The following GTF2A2 variants were observed in gnomAD, a reference collection of about 807,000 sequenced individuals.
GTF2A2 encodes general transcription factor IIA subunit 2.
GTF2A2 carries 9 observed loss-of-function variants against 14.3 expected under a neutral mutation model. The ratio of observed to expected loss-of-function variants is 0.63; its 90% confidence interval spans 0.38 to 1.10. GTF2A2 has a LOEUF of 1.10. Ranked by LOEUF, GTF2A2 falls within the 50% of genes least tolerant of loss-of-function variation. The probability of loss-of-function intolerance (pLI) is 0.01; values close to 1 mark genes in which losing one functional copy is unlikely to be tolerated. For synonymous variants in GTF2A2, 56 were observed against 46.0 expected (o/e 1.22, Z -0.88); for missense variants, 90 against 124.6 (o/e 0.72, Z 1.32).
intron 2 of GTF2A2, chr15:59,651,810 C>A (rs1442576270): frequency 6.3e-6 from 1 of 158,680 alleles, no homozygotes; most frequent in African/African-American, 2.4e-5. Flanking sequence ...CCTCAGCCTC[C>A]CGAGTAACTG....
chr15:59,642,982 G>A (rs528123564), intron 3 of GTF2A2, among the ~76,000 whole-genome samples: 1 of 151,750 alleles, frequency 6.6e-6, no homozygotes, highest in Admixed American at 6.6e-5. Context: ...GGCCAGGATG[G>A]TCTCGAACTC....
At chr15:59,648,885 G>C (rs1047403171) in intron 3 of GTF2A2, among the ~76,000 whole-genome samples, 2 of 152,204 alleles carry the variant, frequency 1.3e-5, no homozygotes, top group East Asian at 3.9e-4. Flanking sequence ...AGTGAGCCAA[G>C]ATCTCGCCAC....
chr15:59,646,618 T>G (rs1399020328), intron 3 of GTF2A2, among the ~76,000 whole-genome samples: 2 of 152,218 alleles, frequency 1.3e-5, no homozygotes, highest in African/African-American at 4.8e-5. Context: ...ACATATCATA[T>G]GCTGAAATTC....
chr15:59,652,171 G>C, intron 2 of GTF2A2, 35 bp downstream of exon 2: 1 of 1,155,062 alleles, frequency 8.7e-7, no homozygotes, highest in Non-Finnish European at 1.3e-6. Context: ...AACCCATCAA[G>C]ATAAAAATGT....
intron 3 of GTF2A2, among the ~76,000 whole-genome samples, chr15:59,645,427 G>A (rs1390702996): frequency 3.3e-5 from 5 of 152,078 alleles, no homozygotes; most frequent in Non-Finnish European, 7.4e-5. Flanking sequence ...GGGAATACGA[G>A]AAAAGCTCAC....
rs1436598433 is a variant in GTF2A2, at chr15:59,642,190, CCT to C, written c.248_249del (p.Glu83GlyfsTer6). Reference protein sequence around the residue: ...TFVLNDVEFREVTELIKVDKV... With the variant: ...TFVLNDVEFRXVTELIKVDKV... ...TTATCCACTTTAATAAGTTCTGTCA[CCT>C]CTCTGAATTCAACATCATTCAGTAC... On this transcript the variant is annotated frameshift_variant, in exon 4 of 5. Coordinates refer to ENST00000396060, the MANE Select transcript of GTF2A2 (RefSeq NM_004492.3). LOFTEE classifies it high-confidence loss of function. 1.2e-6 allele frequency: 2 copies of C among 1,610,036 alleles called. No individual in the cohort carries two copies.
intron 4 of GTF2A2, among the ~76,000 whole-genome samples, chr15:59,641,389 T>A (rs1891421620): frequency 2.0e-5 from 3 of 152,138 alleles, no homozygotes; most frequent in Non-Finnish European, 4.4e-5. Flanking sequence ...ATGCAAAATA[T>A]ATAAAACAAA....
intron 2 of GTF2A2, chr15:59,651,350 T>C (rs1412042709): frequency 6.6e-6 from 1 of 152,386 alleles, no homozygotes; most frequent in Non-Finnish European, 1.5e-5. Context: ...GCTAATTTTA[T>C]ATTTTTAGTA....
chr15:59,646,729 C>G (rs1244161030), intron 3 of GTF2A2, among the ~76,000 whole-genome samples: 1 of 152,092 alleles, frequency 6.6e-6, no homozygotes, highest in East Asian at 1.9e-4. Flanking sequence ...TAAATGCCTT[C>G]CAACTGTAAA....
chr15:59,646,670 C>T (rs1891618526), intron 3 of GTF2A2, among the ~76,000 whole-genome samples: 1 of 151,824 alleles, frequency 6.6e-6, no homozygotes, highest in African/African-American at 2.4e-5. Context: ...TTTATTTTAC[C>T]ACAAAAATAA....
chr15:59,648,893 C>T (rs1891702862), intron 3 of GTF2A2, among the ~76,000 whole-genome samples: 1 of 151,974 alleles, frequency 6.6e-6, no homozygotes, highest in Admixed American at 6.5e-5. Context: ...AAGATCTCGC[C>T]ACTGCACTCC....
chr15:59,641,885 C>T (rs546920660), intron 4 of GTF2A2, among the ~76,000 whole-genome samples: 4 of 152,282 alleles, frequency 2.6e-5, no homozygotes, highest in African/African-American at 9.6e-5. Context: ...GGAACAAATG[C>T]TTATTAATTT....
intron 1 of GTF2A2, among the ~76,000 whole-genome samples, chr15:59,653,369 ACT>A (rs1410574836): frequency 6.6e-6 from 1 of 152,062 alleles, no homozygotes; most frequent in Non-Finnish European, 1.5e-5. Context: ...ATCAGATAAA[ACT>A]CAGCAAAAAT....
rs398043378 is a variant in GTF2A2 at position 59,643,072 on chromosome 15, ATTT to A, written c.178-813_178-811del. Among the ~76,000 whole-genome samples the A allele has an allele frequency of 7.9e-3, 505 of 64,104 alleles. 4 individuals carry two copies. Among genetic ancestry groups the A allele is most frequent in the African/African-American group, 0.032 (460 of 14,364 alleles). The allele number at this position is 64,104 out of a possible 152,430, so 42.1% of individuals were successfully genotyped here. A position where few individuals can be genotyped will look rare whatever the true frequency, so the allele number is the denominator to read the frequency against. On this transcript the variant is annotated intron_variant, in intron 3 of 4. Coordinates refer to ENST00000396060, the MANE Select transcript of GTF2A2 (RefSeq NM_004492.3). The stretch of plus-strand genomic sequence containing the variant: ...TGAACCACCGCGCCTGGCCTATATA[ATTT>A]TTTTTTTTTTTTTTTTTTTTTTGAG...
chr15:59,640,884 T>C (rs1347361323), intron 4 of GTF2A2, among the ~76,000 whole-genome samples: 1 of 151,870 alleles, frequency 6.6e-6, no homozygotes, highest in Admixed American at 6.6e-5. Flanking sequence ...CAAAGATGTA[T>C]CTAATGACTA....
chr15:59,643,794 C>T (rs1336375958), intron 3 of GTF2A2, among the ~76,000 whole-genome samples: 1 of 150,944 alleles, frequency 6.6e-6, no homozygotes, highest in African/African-American at 2.4e-5. Context: ...AGATGGGTTT[C>T]ACCATGTTGT....
intron 4 of GTF2A2, among the ~76,000 whole-genome samples, chr15:59,639,878 GC>G (rs1378421539): frequency 6.6e-6 from 1 of 152,102 alleles, no homozygotes; most frequent in Non-Finnish European, 1.5e-5. Flanking sequence ...AGCCTCCGCA[GC>G]AGCTGGGATT....
At chr15:59,641,360 A>T (rs1891420040) in intron 4 of GTF2A2, among the ~76,000 whole-genome samples, 3 of 152,136 alleles carry the variant, frequency 2.0e-5, no homozygotes, top group Non-Finnish European at 4.4e-5. Context: ...TGATTGATTG[A>T]TTAGCTATTT....
intron 3 of GTF2A2, among the ~76,000 whole-genome samples, chr15:59,645,850 C>A (rs760356664): frequency 2.0e-5 from 3 of 151,868 alleles, no homozygotes; most frequent in Non-Finnish European, 4.4e-5. Flanking sequence ...GCCTGGCCAA[C>A]ATAGTGAAAC....
Sources: gnomAD v4.1 joint callset for allele counts (sites outside exome capture counted in the v4.1 genomes callset) on GRCh38, gnomAD v4.1.1 for gene constraint, MANE v1.5 for transcripts, NCBI Gene and HGNC (gene_info 2026-07-23, HGNC 2026-07-21) for gene names.